The following TSNARE1 variants were observed in gnomAD, a reference collection of about 807,000 sequenced individuals.
TSNARE1 encodes the protein t-SNARE domain containing 1, also known as t-SNARE domain-containing protein 1.
TSNARE1 carries 49 observed loss-of-function variants against 62.0 expected under a neutral mutation model. The observed-to-expected ratio is 0.79, with a 90% confidence interval of 0.63 to 1.00. The LOEUF (loss-of-function observed/expected upper bound fraction) is 1.00. Among genes scored for constraint, TSNARE1 ranks in the 50% least tolerant of loss-of-function variants. The probability of loss-of-function intolerance (pLI) is 0.00; values close to 1 mark genes in which losing one functional copy is unlikely to be tolerated. For synonymous variants in TSNARE1, 328 were observed against 294.4 expected, an observed-to-expected ratio of 1.11 and a Z score of -1.17; for missense variants, 755 against 700.1, an observed-to-expected ratio of 1.08 and a Z score of -0.88.
chr8:142,238,425 A>T (rs1486181070), intron 12 of TSNARE1, among the ~76,000 whole-genome samples: 1 of 152,138 alleles, frequency 6.6e-6, no homozygotes. Context: ...CGGAAGGAAT[A>T]AAACCCTGCC....
chr8:142,294,196 G>A (rs568924187), intron 10 of TSNARE1, among the ~76,000 whole-genome samples: 8 of 152,230 alleles, frequency 5.3e-5, no homozygotes, highest in African/African-American at 1.9e-4. Flanking sequence ...AAGGGCACCA[G>A]AGGTGAGACG....
intron 2 of TSNARE1, among the ~76,000 whole-genome samples, chr8:142,347,496 C>G (rs1833527482): frequency 6.6e-6 from 1 of 152,212 alleles, no homozygotes; most frequent in African/African-American, 2.4e-5. Context: ...TCTCTCTGCA[C>G]AGAGACACAC....
intron 10 of TSNARE1, among the ~76,000 whole-genome samples, chr8:142,293,488 G>C (rs1824162278): frequency 1.3e-5 from 2 of 152,234 alleles, no homozygotes; most frequent in Admixed American, 1.3e-4. Flanking sequence ...GTGTCATTGT[G>C]CCCATTTTAC....
chr8:142,381,596 A>C (rs1252593425), intron 1 of TSNARE1, among the ~76,000 whole-genome samples: 1 of 152,216 alleles, frequency 6.6e-6, no homozygotes, highest in Non-Finnish European at 1.5e-5. Flanking sequence ...GCAGGCGCCC[A>C]GCAGTGCTGA....
chr8:142,277,175 C>G (rs949020247), intron 11 of TSNARE1: 1 of 985,382 alleles, frequency 1.0e-6, no homozygotes. Flanking sequence ...CCCTGGGCAC[C>G]TGCTCCTCCC....
At chr8:142,303,442 T>TG (rs1826113643) in intron 9 of TSNARE1, among the ~76,000 whole-genome samples, 1 of 151,954 alleles carries the variant, frequency 6.6e-6, no homozygotes, top group African/African-American at 2.4e-5. Context: ...TTGGCCAAGG[T>TG]GGGGAGAGGA....
chr8:142,337,444 G>A (rs948630289), intron 4 of TSNARE1, among the ~76,000 whole-genome samples: 4 of 152,232 alleles, frequency 2.6e-5, no homozygotes, highest in African/African-American at 9.7e-5. Flanking sequence ...AGCATCCATC[G>A]ATAAGTGGAA....
chr8:142,250,544 C>G (rs977797693), intron 12 of TSNARE1, among the ~76,000 whole-genome samples: 6 of 152,214 alleles, frequency 3.9e-5, no homozygotes, highest in Admixed American at 6.5e-5. Context: ...GTTCCAGGCC[C>G]GATCGCAGTA....
intron 1 of TSNARE1, among the ~76,000 whole-genome samples, chr8:142,369,328 T>C (rs1835769524): frequency 1.3e-5 from 2 of 152,230 alleles, no homozygotes; most frequent in African/African-American, 4.8e-5. Flanking sequence ...CCTGACCAGC[T>C]GGACTCAACC....
At chr8:142,401,358 A>G (rs1838277838) in intron 1 of TSNARE1, among the ~76,000 whole-genome samples, 1 of 151,998 alleles carries the variant, frequency 6.6e-6, no homozygotes, top group Non-Finnish European at 1.5e-5. Context: ...GGGCATTCCA[A>G]GCAGAAGGCT....
chr8:142,229,607 T>C (rs1817007839), intron 12 of TSNARE1, 28 bp from the exon 13 acceptor site: 2 of 1,606,292 alleles, frequency 1.2e-6, no homozygotes, highest in African/African-American at 1.3e-5. Flanking sequence ...GTTGTTTCCA[T>C]ATCCTGGTCC....
chr8:142,352,154 G>A (rs1182995816), intron 2 of TSNARE1, among the ~76,000 whole-genome samples: 2 of 152,226 alleles, frequency 1.3e-5, no homozygotes, highest in East Asian at 1.9e-4. Context: ...CCCACCTGAT[G>A]AGGCTTTCAT....
chr8:142,354,784 A>AG, intron 1 of TSNARE1, 21 bp from the exon 2 acceptor site: 2 of 1,312,072 alleles, frequency 1.5e-6, no homozygotes, highest in East Asian at 2.3e-5. Flanking sequence ...CACGAAAAGC[A>AG]GGGGGAAGAG....
intron 12 of TSNARE1, among the ~76,000 whole-genome samples, chr8:142,252,824 G>A (rs1818240402): frequency 6.6e-6 from 1 of 152,142 alleles, no homozygotes; most frequent in African/African-American, 2.4e-5. Flanking sequence ...GGACCTGGCA[G>A]GTCCTCCCCT....
chr8:142,316,134 G>A (rs1828495186), intron 7 of TSNARE1, among the ~76,000 whole-genome samples: 1 of 152,096 alleles, frequency 6.6e-6, no homozygotes, highest in South Asian at 2.1e-4. Flanking sequence ...TGTATTCTTG[G>A]ATGAAGGAGT....
At chr8:142,341,895 G>A (rs1470856072) in intron 4 of TSNARE1, among the ~76,000 whole-genome samples, 1 of 152,190 alleles carries the variant, frequency 6.6e-6, no homozygotes, top group Non-Finnish European at 1.5e-5. Context: ...CTGTGAGGAG[G>A]GCAGGAGGAC....
intron 1 of TSNARE1, among the ~76,000 whole-genome samples, chr8:142,394,167 C>T (rs1837735727): frequency 6.6e-6 from 1 of 152,236 alleles, no homozygotes; most frequent in African/African-American, 2.4e-5. Flanking sequence ...TGCCTGCGGC[C>T]TCCAGTGGCC....
intron 1 of TSNARE1, among the ~76,000 whole-genome samples, chr8:142,375,772 C>G (rs1195171008): frequency 1.3e-5 from 2 of 152,258 alleles, no homozygotes; most frequent in Non-Finnish European, 2.9e-5. Context: ...AACTGAGGCC[C>G]AGAAGATGCG....
At chr8:142,327,781 C>A (rs1830470919) in intron 6 of TSNARE1, among the ~76,000 whole-genome samples, 1 of 152,240 alleles carries the variant, frequency 6.6e-6, no homozygotes, top group South Asian at 2.1e-4. Context: ...ATCCAAGGCT[C>A]CTTGAGCCCT....
Sources: gnomAD v4.1 joint callset for allele counts (sites outside exome capture counted in the v4.1 genomes callset) on GRCh38, gnomAD v4.1.1 for gene constraint, MANE v1.5 for transcripts, NCBI Gene and HGNC (gene_info 2026-07-23, HGNC 2026-07-21) for gene names.